Variants in GOLM2 observed in about 807,000 individuals in gnomAD.
GOLM2 encodes golgi membrane protein 2, also known as protein GOLM2.
In GOLM2, 26 loss-of-function variants were observed where a neutral mutation model predicts 55.9. That is an observed-to-expected ratio of 0.47 (90% CI 0.34 to 0.65). The LOEUF is 0.65. Among genes scored for constraint, GOLM2 ranks in the 30% least tolerant of loss-of-function variants. The pLI, the probability that GOLM2 is intolerant of heterozygous loss-of-function variation, is 0.01. For synonymous variants in GOLM2, 165 were observed against 194.6 expected, an observed-to-expected ratio of 0.85 and a Z score of 1.27; for missense variants, 486 against 531.8, an observed-to-expected ratio of 0.91 and a Z score of 0.85.
intron 6 of GOLM2, among the ~76,000 whole-genome samples, chr15:44,357,207 C>G (rs1413183057): frequency 1.3e-5 from 2 of 151,786 alleles, no homozygotes; most frequent in Admixed American, 6.6e-5. Flanking sequence ...AAAAGTGTAT[C>G]ACAAGCAAGT....
chr15:44,379,618 GT>G (rs559031072), intron 6 of GOLM2, 71 bp from the exon 7 acceptor site: 21,341 of 426,232 alleles, frequency 0.05, no homozygotes, highest in East Asian at 0.074. Context: ...ATTCACGGTG[GT>G]TTTTTTTTTT....
chr15:44,337,214 G>A (rs1224472936), intron 4 of GOLM2, among the ~76,000 whole-genome samples: 1 of 151,770 alleles, frequency 6.6e-6, no homozygotes, highest in Non-Finnish European at 1.5e-5. Flanking sequence ...CCAAGAAGAT[G>A]CTAGGTTAGG....
chr15:44,300,055 G>C (rs1360663111), intron 1 of GOLM2, among the ~76,000 whole-genome samples: 1 of 149,364 alleles, frequency 6.7e-6, no homozygotes, highest in Non-Finnish European at 1.5e-5. Flanking sequence ...AGCTATGATT[G>C]TGCCACTGTG....
intron 7 of GOLM2, 101 bp downstream of exon 7, chr15:44,379,889 G>A (rs112425387): frequency 3.5e-5 from 20 of 579,226 alleles, no homozygotes; most frequent in African/African-American, 1.2e-4. Context: ...TAGTGAAATA[G>A]CATTTATTCT....
chr15:44,341,537 T>A (rs1371471353), intron 6 of GOLM2, among the ~76,000 whole-genome samples: 1 of 152,136 alleles, frequency 6.6e-6, no homozygotes, highest in Non-Finnish European at 1.5e-5. Context: ...ATCTTAGAGA[T>A]CTTGTCTTGA....
At chr15:44,404,892 G>T (rs948575929) in intron 9 of GOLM2, among the ~76,000 whole-genome samples, 1 of 152,046 alleles carries the variant, frequency 6.6e-6, no homozygotes, top group African/African-American at 2.4e-5. Context: ...GTATTACAAG[G>T]TTGCTTGGTT....
intron 6 of GOLM2, among the ~76,000 whole-genome samples, chr15:44,347,334 C>T (rs1434748421): frequency 6.6e-6 from 1 of 152,172 alleles, no homozygotes; most frequent in Non-Finnish European, 1.5e-5. Context: ...GTAGGAAAGA[C>T]AGTCTTGAAT....
intron 8 of GOLM2, 95 bp from the exon 9 acceptor site, chr15:44,402,792 A>C: frequency 2.3e-6 from 3 of 1,283,616 alleles, no homozygotes; most frequent in Non-Finnish European, 3.3e-6. Flanking sequence ...AAAAGTTGCC[A>C]GCTTTCACTT....
At chr15:44,292,224 G>T (rs955401002) in intron 1 of GOLM2, among the ~76,000 whole-genome samples, 6 of 145,248 alleles carry the variant, frequency 4.1e-5, no homozygotes, top group Admixed American at 6.9e-5. Flanking sequence ...TTTAGACAGA[G>T]TCTCGCTCGG....
At position 44,376,628 on chromosome 15, in the gene GOLM2, A is replaced by G. The variant is rs768520736; in HGVS notation, c.803-3062A>G. Among the ~76,000 whole-genome samples the G allele has an allele frequency of 8.5e-5, 13 of 152,220 alleles. 1 individual carries two copies. Among genetic ancestry groups the G allele is most frequent in the Non-Finnish European group, 1.6e-4 (11 of 68,036 alleles). On this transcript the variant is annotated intron_variant, in intron 6 of 9. Transcript: ENST00000299957. ...ACATAATCTCATTTTTGTGGAGGAA[A>G]AAAATAGATACTTGTATATGTATAC...
Position 44,359,018 on chromosome 15 carries a change from G to A in GOLM2, c.803-20672G>A, listed in dbSNP as rs373045016. On this transcript the variant is annotated intron_variant, in intron 6 of 9. Coordinates refer to ENST00000299957, the MANE Select transcript of GOLM2 (RefSeq NM_138423.4). Reference sequence around the variant, plus strand: ...AAAAATACAAAAAAATTAGCTGGGCGTGGTGCCGGGCGCCTCAGCTACTAG... The same window carrying A: ...AAAAATACAAAAAAATTAGCTGGGCATGGTGCCGGGCGCCTCAGCTACTAG... 6.3e-3 allele frequency among the ~76,000 whole-genome samples: 963 copies of A among 151,704 alleles called. 9 individuals are homozygous for A. The highest frequency in any genetic ancestry group is 0.022 in the African/African-American group (928 of 41,374).
chr15:44,330,530 A>G (rs1017788741), intron 3 of GOLM2, among the ~76,000 whole-genome samples: 1 of 151,336 alleles, frequency 6.6e-6, no homozygotes, highest in African/African-American at 2.4e-5. Flanking sequence ...AAAAAAAAAA[A>G]AAAAGACTAT....
chr15:44,344,836 G>A (rs1479487358), intron 6 of GOLM2, among the ~76,000 whole-genome samples: 1 of 148,720 alleles, frequency 6.7e-6, no homozygotes, highest in African/African-American at 2.5e-5. Flanking sequence ...GGAGTGCAGT[G>A]GCGCAATCTT....
chr15:44,385,418 C>T (rs1373763253), intron 8 of GOLM2, among the ~76,000 whole-genome samples: 1 of 144,604 alleles, frequency 6.9e-6, no homozygotes, highest in Non-Finnish European at 1.5e-5. Flanking sequence ...CCATGTAGTA[C>T]ATATGAAGTG....
At chr15:44,361,128 A>AT (rs1567035070) in intron 6 of GOLM2, among the ~76,000 whole-genome samples, 1 of 150,728 alleles carries the variant, frequency 6.6e-6, no homozygotes, top group African/African-American at 2.4e-5. Flanking sequence ...ACACCCTAAC[A>AT]TCACAATTAA....
chr15:44,402,821 C>G, intron 8 of GOLM2, 66 bp from the exon 9 acceptor site: 1 of 1,531,822 alleles, frequency 6.5e-7, no homozygotes, highest in South Asian at 1.2e-5. Flanking sequence ...TCTGGTCTGC[C>G]TTCCGTATAG....
intron 1 of GOLM2, among the ~76,000 whole-genome samples, chr15:44,291,104 CTTT>C (rs577138423): frequency 5.4e-5 from 7 of 129,336 alleles, no homozygotes; most frequent in Admixed American, 4.0e-4. Flanking sequence ...TGCCCAGCCT[CTTT>C]TTTTTTTTTT....
chr15:44,351,156 C>G (rs1191844968), intron 6 of GOLM2, among the ~76,000 whole-genome samples: 1 of 151,912 alleles, frequency 6.6e-6, no homozygotes, highest in Non-Finnish European at 1.5e-5. Context: ...GAAGACCTAG[C>G]TAGAGCAATA....
intron 6 of GOLM2, among the ~76,000 whole-genome samples, chr15:44,361,090 A>C (rs1379052304): frequency 3.3e-5 from 5 of 150,876 alleles, no homozygotes. Context: ...AAATGCCCAC[A>C]AGAGAAAGCA....
Sources: allele counts gnomAD v4.1 joint callset (sites outside exome capture counted in the v4.1 genomes callset), GRCh38; gene constraint gnomAD v4.1.1; transcripts MANE v1.5; gene names NCBI Gene and HGNC (gene_info 2026-07-23, HGNC 2026-07-21).